The following ETFB variants were observed in gnomAD, a reference collection of about 807,000 sequenced individuals.
ETFB encodes beta-ETF.
Under a neutral mutation model 25.6 loss-of-function variants are expected in ETFB, and 20 were observed. That is an observed-to-expected ratio of 0.78 (90% confidence interval 0.55 to 1.14). ETFB has a LOEUF of 1.14. ETFB is among the 50% of genes most tolerant of loss of function. The probability of loss-of-function intolerance (pLI) is 0.00; values close to 1 mark genes in which losing one functional copy is unlikely to be tolerated. For synonymous variants in ETFB, 142 were observed against 146.7 expected, an observed-to-expected ratio of 0.97 and a Z score of 0.23; for missense variants, 286 against 342.6, an observed-to-expected ratio of 0.83 and a Z score of 1.30.
At chr19:51,362,202 C>T (rs1377138216) in intron 1 of ETFB, among the ~76,000 whole-genome samples, 1 of 142,930 alleles carries the variant, frequency 7.0e-6, no homozygotes, top group Non-Finnish European at 1.5e-5. Context: ...CACACACACA[C>T]ACGAATACAC....
At chr19:51,352,706 C>T (rs79371029) in intron 3 of ETFB, among the ~76,000 whole-genome samples, 39 of 152,274 alleles carry the variant, frequency 2.6e-4, no homozygotes, top group African/African-American at 9.1e-4. Context: ...TGTATCACTG[C>T]AACCTCCGCC....
At chr19:51,356,312 C>G (rs955223021) in intron 1 of ETFB, 3 of 152,086 alleles carry the variant, frequency 2.0e-5, no homozygotes, top group African/African-American at 7.2e-5. Flanking sequence ...TGACCAGTGA[C>G]CCTGACCTAT....
At chr19:51,346,546 C>T (rs1985787652) in intron 5 of ETFB, 1 of 277,668 alleles carries the variant, frequency 3.6e-6, no homozygotes, top group Admixed American at 4.9e-5. Flanking sequence ...ATGGTAACTT[C>T]ACATTGGCAA....
At position 51,353,291 on chromosome 19, in the gene ETFB, C is replaced by T. The variant is rs1985975724; in HGVS notation, c.217-1G>A. 1 of 1,613,866 alleles carries T rather than the reference C, an allele frequency of 6.2e-7. No individual in the cohort carries two copies. The highest frequency in any genetic ancestry group is 1.1e-5 in the South Asian group (1 of 91,094). Reference sequence around the variant, plus strand: ...TGGCCAGGGCGGTACGAATCGTCTCCTGCCAAGGACAGAGGGGCTTGACTT... The same window carrying T: ...TGGCCAGGGCGGTACGAATCGTCTCTTGCCAAGGACAGAGGGGCTTGACTT... On this transcript the variant is annotated splice_acceptor_variant, in intron 2 of 5. Coordinates refer to ENST00000309244, the MANE Select transcript of ETFB (RefSeq NM_001985.3). LOFTEE classifies it high-confidence loss of function.
chr19:51,345,628 C>G (rs1985755574), intron 5 of ETFB: 1 of 557,906 alleles, frequency 1.8e-6, no homozygotes, highest in African/African-American at 1.9e-5. Flanking sequence ...AATCAGGAAG[C>G]CCTTCACTGG....
At chr19:51,346,814 T>C in intron 5 of ETFB, 86 bp downstream of exon 5, 1 of 1,350,912 alleles carries the variant, frequency 7.4e-7, no homozygotes. Context: ...GATCCTTCCC[T>C]CCCCACGTGC....
chr19:51,358,539 C>T (rs1314644450), intron 1 of ETFB, among the ~76,000 whole-genome samples: 2 of 152,198 alleles, frequency 1.3e-5, no homozygotes, highest in African/African-American at 4.8e-5. Context: ...TGGCTCATGC[C>T]TGTAATCCCA....
At position 51,353,155 on chromosome 19, in the gene ETFB, C is replaced by T; in HGVS notation, c.352G>A (p.Asp118Asn). ...ACCTGTTTGCCCAGCAGCACCAGGT[C>T]CACCTTCTCCTTCTCTGCCAGCTTG... ...LAKLAEKEKV[D>N]LVLLGKQAID... The change falls in exon 3 of 6, where the codon GAC becomes AAC. Residue 118 changes from aspartate (D) to asparagine (N), a missense_variant. Coordinates refer to ENST00000309244, the MANE Select transcript of ETFB (RefSeq NM_001985.3). 1 of 1,614,104 alleles carries T rather than the reference C, an allele frequency of 6.2e-7. No individual in the cohort carries two copies.
At chr19:51,354,589 G>A (rs1215955514) in intron 1 of ETFB, 7 of 1,613,926 alleles carry the variant, frequency 4.3e-6, no homozygotes, top group Non-Finnish European at 5.9e-6. Context: ...GCCTGAAAGA[G>A]TGTTTCTCAA....
In ETFB at chr19:51,353,945, C is replaced by T. The variant is rs143182222; in HGVS notation, c.216+205G>A. Among the ~76,000 whole-genome samples, 249 of 132,584 alleles carry T rather than the reference C, an allele frequency of 1.9e-3. 19 individuals carry two copies. Among genetic ancestry groups the T allele is most frequent in the African/African-American group, 7.8e-3 (234 of 29,916 alleles). The allele number at this position is 132,584 out of a possible 152,430, so 87.0% of individuals were successfully genotyped here. ...TCCTCAGACCCAAGAGTCCAGGCCC[C>T]CAGCCCCTCCTTCCTCAGACCCAGG... On this transcript the variant is annotated intron_variant, in intron 2 of 5. Coordinates refer to ENST00000309244, the MANE Select transcript of ETFB (RefSeq NM_001985.3).
chr19:51,346,916 G>A lies in ETFB; in HGVS notation c.581C>T (p.Thr194Met), dbSNP rs369138107. The A allele has an allele frequency of 1.6e-5, 25 of 1,558,548 alleles. No individual in the cohort carries two copies. The highest frequency in any genetic ancestry group is 7.7e-5 in the Admixed American group (4 of 51,690). Residue 194 changes from threonine (T) to methionine (M), a missense_variant, in exon 5 of 6, where the codon ACG becomes ATG. Transcript: ENST00000309244. ...GGGGCTCACCATGATGTTGGGCAGC[G>A]TGGCGTAGCGGGGCTCGTTGAGCCT... ...DLRLNEPRYA[T>M]LPNIMKAKKK...
chr19:51,362,582 A>T (rs1408536116), intron 1 of ETFB, among the ~76,000 whole-genome samples: 1 of 152,188 alleles, frequency 6.6e-6, no homozygotes, highest in Non-Finnish European at 1.5e-5. Flanking sequence ...CTCAAAAAAT[A>T]AAACAAAACA....
rs567546418 is a variant in ETFB at position 51,347,225 on chromosome 19, G to C, written c.439-167C>G. 7.2e-6 allele frequency: 5 copies of C among 698,228 alleles called. No individual in the cohort carries two copies. The South Asian group carries it at 8.7e-5, about 12-fold the overall frequency. The allele number at this position is 698,228 out of a possible 1,614,324, so 43.3% of individuals were successfully genotyped here. The stretch of plus-strand genomic sequence containing the variant: ...GAATCGAGCTTGTACACCTGGGAGA[G>C]GGTCTTTTTCCTTTCCCTGAGAGCC... On this transcript the variant is annotated intron_variant, in intron 4 of 5. Coordinates refer to ENST00000309244, the MANE Select transcript of ETFB (RefSeq NM_001985.3).
intron 4 of ETFB, chr19:51,347,315 G>A: frequency 3.8e-6 from 2 of 526,862 alleles, no homozygotes. Flanking sequence ...CTTCCTGACA[G>A]GGAACATGTA....
rs565437019 is a variant in ETFB, at chr19:51,361,580, G to A, written c.57+4690C>T. ...CCCAGACGAGAGGGTGTGGCTGGTC[G>A]GGGTTGGGCCCCGAGATGGAAACAC... On this transcript the variant is annotated intron_variant, in intron 1 of 5. Coordinates refer to ENST00000309244, the MANE Select transcript of ETFB (RefSeq NM_001985.3). The A allele has an allele frequency of 3.3e-5, 5 of 152,286 alleles. No individual in the cohort carries two copies. The South Asian group carries it at 1.0e-3, about 32-fold the overall frequency. The allele number at this position is 152,286 out of a possible 1,614,324, so 9.4% of individuals were successfully genotyped here.
In ETFB at chr19:51,353,162, C is replaced by T; in HGVS notation, c.345G>A (p.Glu115=). 1 of 1,613,992 alleles carries T rather than the reference C, an allele frequency of 6.2e-7. No homozygotes were observed. The highest frequency in any genetic ancestry group is 2.2e-5 in the East Asian group (1 of 44,882). The change falls in exon 3 of 6, where the codon GAG becomes GAA. Residue 115 remains glutamate (E), a synonymous_variant. Coordinates refer to ENST00000309244, the MANE Select transcript of ETFB (RefSeq NM_001985.3). The part of the protein sequence containing the change: ...ARVLAKLAEK[E]KVDLVLLGKQ... Reference sequence around the variant, plus strand: ...TGCCCAGCAGCACCAGGTCCACCTTCTCCTTCTCTGCCAGCTTGGCCAGGA... The same window carrying T: ...TGCCCAGCAGCACCAGGTCCACCTTTTCCTTCTCTGCCAGCTTGGCCAGGA...
chr19:51,356,639 A>G (rs1986086654), intron 1 of ETFB: 1 of 152,094 alleles, frequency 6.6e-6, no homozygotes, highest in African/African-American at 2.4e-5. Flanking sequence ...TGCCAGGGAG[A>G]GAGGCTTCCG....
intron 4 of ETFB, chr19:51,348,670 ACT>A (rs1985856430): frequency 2.6e-4 from 1 of 3,848 alleles, no homozygotes; most frequent in Non-Finnish European, 8.3e-4. Context: ...TAGGTAAATA[ACT>A]CAACGAAGCT....
intron 1 of ETFB, among the ~76,000 whole-genome samples, chr19:51,357,418 G>C (rs866404110): frequency 2.5e-4 from 35 of 141,456 alleles, no homozygotes; most frequent in African/African-American, 8.2e-4. Flanking sequence ...TCAGGTGCCA[G>C]GGATTGAAAC....
Sources: allele counts gnomAD v4.1 joint callset (sites outside exome capture counted in the v4.1 genomes callset), GRCh38; gene constraint gnomAD v4.1.1; transcripts MANE v1.5; gene names NCBI Gene and HGNC (gene_info 2026-07-23, HGNC 2026-07-21).